Variants in DYNC2H1 observed in about 807,000 individuals in gnomAD.
DYNC2H1 encodes dynein cytoplasmic 2 heavy chain 1.
DYNC2H1 carries 410 observed loss-of-function variants against 570.0 expected under a neutral mutation model. The observed-to-expected ratio is 0.72, with a 90% CI of 0.66 to 0.78. DYNC2H1 has a LOEUF of 0.78. Among genes scored for constraint, DYNC2H1 ranks in the 30% least tolerant of loss-of-function variants. The pLI is 0.00. For missense variants in DYNC2H1, 4,865 were observed against 5,046.4 expected, an observed-to-expected ratio of 0.96 and a Z score of 1.09; for synonymous variants, 1,688 against 1,677.6, an observed-to-expected ratio of 1.01 and a Z score of -0.15.
chr11:103,306,612 C>T (rs747271233), intron 77 of DYNC2H1, among the ~76,000 whole-genome samples: 23 of 151,950 alleles, frequency 1.5e-4, no homozygotes, highest in Non-Finnish European at 3.2e-4. Context: ...TACATTTTAT[C>T]CTTTATAATT....
chr11:103,264,425 T>C lies in DYNC2H1; in HGVS notation c.10695+4448T>C, dbSNP rs1865431274. ...AAAAAAAGAAAATTTCAGGCCAATA[T>C]CGCTGATGAACATTGATTAGAAAAT... On this transcript the variant is annotated intron_variant, in intron 70 of 88. Coordinates refer to ENST00000375735, the MANE Select transcript of DYNC2H1 (RefSeq NM_001377.3). This position sits in a 1 kb window ranked among gnomAD's most constrained non-coding sequence, Gnocchi z 4.8. Among the ~76,000 whole-genome samples the C allele has an allele frequency of 6.6e-6, 1 of 152,080 alleles. No homozygotes were observed. The highest frequency in any genetic ancestry group is 2.4e-5 in the African/African-American group (1 of 41,406).
chr11:103,355,039 C>T (rs952056559), intron 82 of DYNC2H1, among the ~76,000 whole-genome samples: 4 of 151,952 alleles, frequency 2.6e-5, no homozygotes, highest in African/African-American at 9.7e-5. Context: ...TAATTTTCTT[C>T]TCCATGTTTT....
chr11:103,256,329 G>T lies in DYNC2H1; in HGVS notation c.10461+89G>T. 7.7e-7 allele frequency: 1 copy of T among 1,295,860 alleles called. No individual in the cohort carries two copies. Among genetic ancestry groups the T allele is most frequent in the Non-Finnish European group, 1.1e-6 (1 of 949,994 alleles). 80.3% of individuals were successfully genotyped at this position (1,295,860 alleles called of 1,614,324 possible). On this transcript the variant is annotated intron_variant, in intron 68 of 88. Transcript: ENST00000375735. The surrounding 1 kb of genome is among the most constrained non-coding windows in gnomAD (Gnocchi z 4.0). ...GAAAATGTAGAATCAGGTCCTCAGG[G>T]GAAAGATGATGTGAAAAGAAAAAAG... is the stretch of plus-strand genomic sequence containing the variant.
intron 52 of DYNC2H1, among the ~76,000 whole-genome samples, chr11:103,208,925 T>C (rs1275741083): frequency 1.3e-5 from 2 of 152,126 alleles, no homozygotes; most frequent in Non-Finnish European, 2.9e-5. Context: ...TGTTTGAGGA[T>C]AGACCATTTT....
chr11:103,390,064 G>C (rs561722948), intron 83 of DYNC2H1, among the ~76,000 whole-genome samples: 1 of 152,120 alleles, frequency 6.6e-6, no homozygotes, highest in Non-Finnish European at 1.5e-5. Context: ...CGAAATTTCT[G>C]TCTTGTGGAT....
At chr11:103,132,586 A>G (rs1859332406) in intron 13 of DYNC2H1, among the ~76,000 whole-genome samples, 1 of 151,784 alleles carries the variant, frequency 6.6e-6, no homozygotes, top group South Asian at 2.1e-4. Flanking sequence ...TTATATTATG[A>G]TGCACTGTAT....
chr11:103,171,469 T>A (rs1861568561), intron 34 of DYNC2H1, among the ~76,000 whole-genome samples: 1 of 152,142 alleles, frequency 6.6e-6, no homozygotes, highest in Non-Finnish European at 1.5e-5. Flanking sequence ...TTGGCTAGGC[T>A]GGTATTGAAC....
intron 6 of DYNC2H1, among the ~76,000 whole-genome samples, chr11:103,118,990 G>A (rs1858559738): frequency 6.6e-6 from 1 of 151,952 alleles, no homozygotes; most frequent in African/African-American, 2.4e-5. Flanking sequence ...TAATTCTGGT[G>A]TTTTTTCTGC....
chr11:103,191,378 T>A, intron 45 of DYNC2H1, 139 bp from the exon 46 acceptor site: 1 of 618,852 alleles, frequency 1.6e-6, no homozygotes, highest in South Asian at 2.2e-5. Flanking sequence ...ATAAAGATAA[T>A]GAAGTCATTT....
chr11:103,283,096 T>G lies in DYNC2H1; in HGVS notation c.10890+11T>G, dbSNP rs1485744811. 6.3e-7 allele frequency: 1 copy of G among 1,593,402 alleles called. No individual in the cohort carries two copies. The highest frequency in any genetic ancestry group is 1.3e-5 in the African/African-American group (1 of 74,562). On this transcript the variant is annotated intron_variant, in intron 73 of 88. Coordinates refer to ENST00000375735, the MANE Select transcript of DYNC2H1 (RefSeq NM_001377.3). ...GTGGCAACATTAAAGGTATTCCTTT[T>G]CTACTATGAGACATGTTTTAATTTC...
chr11:103,184,193 C>A (rs961832879), intron 40 of DYNC2H1, among the ~76,000 whole-genome samples: 2 of 151,872 alleles, frequency 1.3e-5, no homozygotes, highest in African/African-American at 2.4e-5. Flanking sequence ...TAGCTCTTAC[C>A]ACAATTTGTT....
In DYNC2H1 at chr11:103,423,433, A is replaced by ATT. The variant is rs1230535377; in HGVS notation, c.12367-12510_12367-12509insTT. Among the ~76,000 whole-genome samples the ATT allele has an allele frequency of 2.2e-3, 331 of 150,208 alleles. 3 individuals are homozygous for ATT. The highest frequency in any genetic ancestry group is 5.6e-3 in the South Asian group (27 of 4,786). ...TAAAAAAAAAAAAAAAAAAAAAAAA[A>ATT]AAAAACCCTGCAACTGTGTCTCCAA... On this transcript the variant is annotated intron_variant, in intron 84 of 88. Transcript: ENST00000375735.
chr11:103,341,963 A>C (rs992581950), intron 82 of DYNC2H1, among the ~76,000 whole-genome samples: 7 of 152,160 alleles, frequency 4.6e-5, no homozygotes, highest in African/African-American at 1.7e-4. Context: ...CAACATAGTG[A>C]GACCCCTTCT....
In DYNC2H1 at chr11:103,326,368, C is replaced by G. The variant is rs975398867; in HGVS notation, c.12039+2378C>G. Among the ~76,000 whole-genome samples, 5 of 152,298 alleles carry G rather than the reference C, an allele frequency of 3.3e-5. No homozygotes were observed. Among genetic ancestry groups the G allele is most frequent in the Admixed American group, 2.0e-4 (3 of 15,302 alleles). ...GGGTGGTTGGGCTCCCTCTGACAGG[C>G]TGCATCCGGGAGATAGGCCGGCCAT... On this transcript the variant is annotated intron_variant, in intron 82 of 88. Transcript: ENST00000375735. The surrounding 1 kb of genome is among the most constrained non-coding windows in gnomAD (Gnocchi z 6.1).
intron 87 of DYNC2H1, among the ~76,000 whole-genome samples, chr11:103,456,974 G>T (rs772593597): frequency 2.0e-5 from 3 of 152,156 alleles, no homozygotes; most frequent in Non-Finnish European, 4.4e-5. Context: ...TAGTTCATTT[G>T]TGTATGTGCA....
intron 84 of DYNC2H1, among the ~76,000 whole-genome samples, chr11:103,410,836 C>T (rs908404309): frequency 3.3e-5 from 5 of 151,984 alleles, no homozygotes; most frequent in Non-Finnish European, 5.9e-5. Flanking sequence ...GTGGCTGGCA[C>T]GAAATTGACC....
At chr11:103,295,935 C>A (rs778578539) in intron 75 of DYNC2H1, among the ~76,000 whole-genome samples, 1 of 152,124 alleles carries the variant, frequency 6.6e-6, no homozygotes, top group African/African-American at 2.4e-5. Context: ...TGCTTTACTC[C>A]GAGGTCTCTC....
intron 88 of DYNC2H1, among the ~76,000 whole-genome samples, chr11:103,469,068 T>C (rs965540765): frequency 6.6e-6 from 1 of 152,206 alleles, no homozygotes; most frequent in Admixed American, 6.5e-5. Flanking sequence ...AGAGCAGCCA[T>C]GCAAGGCAGA....
chr11:103,186,079 A>G lies in DYNC2H1; in HGVS notation c.6634-163A>G, dbSNP rs896654574. On this transcript the variant is annotated intron_variant, in intron 41 of 88. Transcript: ENST00000375735. The surrounding 1 kb of genome is among the most constrained non-coding windows in gnomAD (Gnocchi z 4.5). ...TGCATAAATGATCATTTAGAGAAAA[A>G]TATTTGAGATAAAATGTTACATTAA... 1.1e-4 allele frequency among the ~76,000 whole-genome samples: 17 copies of G among 152,142 alleles called. No individual in the cohort carries two copies. Among genetic ancestry groups the G allele is most frequent in the South Asian group, 8.3e-4 (4 of 4,824 alleles).
Sources: gnomAD v4.1 joint callset for allele counts (sites outside exome capture counted in the v4.1 genomes callset) on GRCh38, gnomAD v4.1.1 for gene constraint, Gnocchi (gnomAD v3.1) non-coding constraint, MANE v1.5 for transcripts, NCBI Gene and HGNC (gene_info 2026-07-23, HGNC 2026-07-21) for gene names.